The following IQSEC3 variants were observed in gnomAD, a reference collection of about 807,000 sequenced individuals.
IQSEC3 encodes IQ motif and SEC7 domain-containing protein 3.
Under a neutral mutation model 105.4 loss-of-function variants are expected in IQSEC3, and 50 were observed. The ratio of observed to expected loss-of-function variants is 0.47; its 90% confidence interval spans 0.38 to 0.60. The LOEUF (loss-of-function observed/expected upper bound fraction) is 0.60. Among genes scored for constraint, IQSEC3 ranks in the 20% least tolerant of loss-of-function variants. IQSEC3 has a pLI of 0.00. For missense variants in IQSEC3, 1,415 were observed against 1,630.0 expected (o/e 0.87, Z 2.27); for synonymous variants, 708 against 746.0 (o/e 0.95, Z 0.83).
At chr12:85,889 G>A (rs1555071960) in intron 1 of IQSEC3, among the ~76,000 whole-genome samples, 1 of 152,182 alleles carries the variant, frequency 6.6e-6, no homozygotes, top group Non-Finnish European at 1.5e-5. Context: ...TTCCAGGCAT[G>A]TGCATGTTTC....
In IQSEC3 at chr12:174,884, C is replaced by A. The variant is rs1248149022; in HGVS notation, c.3400C>A (p.Leu1134Met). The A allele has an allele frequency of 8.9e-6, 14 of 1,572,196 alleles. No individual in the cohort carries two copies. In the Admixed American group the frequency reaches 2.5e-4, roughly 28 times the overall value. Reference sequence around the variant, plus strand: ...CTCTGACTCCTGCGGCTCCACACCCCTGGGCGGTCCCGGCTCTCCGGTCAA... The same window carrying A: ...CTCTGACTCCTGCGGCTCCACACCCATGGGCGGTCCCGGCTCTCCGGTCAA... ...SSSDSCGSTP[L>M]GGPGSPVKVT... The change falls in exon 14 of 14, where the codon CTG becomes ATG. Residue 1134 changes from leucine (L) to methionine (M), a missense_variant. Coordinates refer to ENST00000538872, the MANE Select transcript of IQSEC3 (RefSeq NM_001170738.2).
At position 112,577 on chromosome 12, in the gene IQSEC3, C is replaced by T. The variant is rs984917985; in HGVS notation, c.624-13056C>T. Reference sequence around the variant, plus strand: ...CTTCCAGAAGAAGCTGGTGCTTCCACCACACTGACCTAGACAAGGCACAAG... The same window carrying T: ...CTTCCAGAAGAAGCTGGTGCTTCCATCACACTGACCTAGACAAGGCACAAG... On this transcript the variant is annotated intron_variant, in intron 2 of 13. Transcript: ENST00000538872. Among the ~76,000 whole-genome samples the T allele has an allele frequency of 3.3e-5, 5 of 152,318 alleles. 1 individual carries two copies. The highest frequency in any genetic ancestry group is 2.9e-5 in the Non-Finnish European group (2 of 68,022).
chr12:125,983 C>T (rs1865390342), intron 3 of IQSEC3, 71 bp downstream of exon 3: 3 of 1,418,714 alleles, frequency 2.1e-6, no homozygotes, highest in Admixed American at 4.4e-5. Context: ...TCGAGGGTAC[C>T]AGGGATATCC....
chr12:103,840 AGGTGGAGTTCATGAGG>A (rs1864540780), intron 2 of IQSEC3, among the ~76,000 whole-genome samples: 1 of 1,726 alleles, frequency 5.8e-4, no homozygotes, highest in Non-Finnish European at 9.7e-4. Flanking sequence ...CAGGAGGGAG[AGGTGGAGTTCATGAGG>A]GGAGGCGGCT....
intron 11 of IQSEC3, 83 bp downstream of exon 11, chr12:165,973 C>A: frequency 6.7e-7 from 1 of 1,492,474 alleles, no homozygotes; most frequent in Non-Finnish European, 9.1e-7. Flanking sequence ...ACATGCCTGA[C>A]TCCAGGGAGC....
intron 1 of IQSEC3, among the ~76,000 whole-genome samples, chr12:75,856 T>C (rs1269543948): frequency 1.3e-5 from 2 of 152,274 alleles, no homozygotes; most frequent in Non-Finnish European, 2.9e-5. Context: ...CTCACTGTCC[T>C]GAAGCTGAGC....
intron 3 of IQSEC3, chr12:137,573 T>A (rs1865815433): frequency 6.7e-6 from 1 of 149,938 alleles, no homozygotes; most frequent in Admixed American, 6.7e-5. Flanking sequence ...TAACACAACT[T>A]CAAGATATCA....
In IQSEC3 at chr12:176,194, A is replaced by G. The variant is rs1939231893; in HGVS notation, c.*1161A>G. 2 of 152,134 alleles carry G rather than the reference A, an allele frequency of 1.3e-5. No individual in the cohort carries two copies. The highest frequency in any genetic ancestry group is 4.1e-4 in the South Asian group (2 of 4,820). 9.4% of individuals were successfully genotyped at this position (152,134 alleles called of 1,614,324 possible). On this transcript the variant is annotated 3_prime_UTR_variant, in exon 14 of 14. Coordinates refer to ENST00000538872, the MANE Select transcript of IQSEC3 (RefSeq NM_001170738.2). The surrounding 1 kb of genome is among the most constrained non-coding windows in gnomAD (Gnocchi z 4.0). ...GTGCCCAAGAGTCCCTGGACCCTCA[A>G]AATTGCAAAGGAGACCCAAGCGGGG... is the stretch of plus-strand genomic sequence containing the variant.
In IQSEC3 at chr12:94,593, C is replaced by T. The variant is rs370460950; in HGVS notation, c.555-4553C>T. On this transcript the variant is annotated intron_variant, in intron 1 of 13. Coordinates refer to ENST00000538872, the MANE Select transcript of IQSEC3 (RefSeq NM_001170738.2). ...TGTCCCCCAGTGGCAGCAGAAGCCC[C>T]AACAGCACTGCCGGCCCAAGCCCAA... is the stretch of plus-strand genomic sequence containing the variant. 9.2e-5 allele frequency among the ~76,000 whole-genome samples: 14 copies of T among 152,364 alleles called. No homozygotes were observed. The South Asian group carries it at 2.9e-3, about 32-fold the overall frequency.
At position 165,820 on chromosome 12, in the gene IQSEC3, G is replaced by A; in HGVS notation, c.2901G>A (p.Met967Ile). 1.9e-6 allele frequency: 3 copies of A among 1,614,118 alleles called. No individual in the cohort carries two copies. Among genetic ancestry groups the A allele is most frequent in the Non-Finnish European group, 2.5e-6 (3 of 1,180,046 alleles). The change falls in exon 11 of 14, where the codon ATG becomes ATA. Residue 967 changes from methionine (M) to isoleucine (I), a missense_variant. Met to Ile is a conservative substitution (Grantham distance 10, BLOSUM62 1). This residue lies in a region of IQSEC3 where 419 missense variants were observed against 436.2 expected (regional missense o/e 0.96). Coordinates refer to ENST00000538872, the MANE Select transcript of IQSEC3 (RefSeq NM_001170738.2). ...LHFCALGSDEMQKFVEDLKES... is the reference protein window; with the variant it reads ...LHFCALGSDEIQKFVEDLKES... ...TCTGTGCCCTGGGCTCGGACGAGAT[G>A]CAGAAGTTCGTGGAGGACCTGAAGG...
chr12:171,600 A>G (rs2137071589), intron 13 of IQSEC3: 1 of 548,590 alleles, frequency 1.8e-6, no homozygotes, highest in Non-Finnish European at 3.2e-6. Context: ...TCCCTCGGAG[A>G]ATTACCCCTT....
chr12:163,174 C>T (rs1276947885), intron 8 of IQSEC3, among the ~76,000 whole-genome samples: 1 of 147,282 alleles, frequency 6.8e-6, no homozygotes, highest in Admixed American at 6.7e-5. Context: ...CGAACCCCTC[C>T]CCTCTCCTCC....
chr12:172,848 C>T (rs1328839571), intron 13 of IQSEC3, among the ~76,000 whole-genome samples: 11 of 152,130 alleles, frequency 7.2e-5, no homozygotes, highest in East Asian at 3.8e-4. Context: ...CCAGAGACTG[C>T]GGTGGGGCCA....
At chr12:144,409 T>C (rs2137013743) in intron 5 of IQSEC3, 1 of 152,336 alleles carries the variant, frequency 6.6e-6, no homozygotes, top group East Asian at 1.9e-4. Flanking sequence ...GCGGTATTCA[T>C]TCTGTACAAA....
chr12:174,664 G>C lies in IQSEC3; in HGVS notation c.3180G>C (p.Ala1060=). 6.3e-7 allele frequency: 1 copy of C among 1,588,662 alleles called. No homozygotes were observed. The highest frequency in any genetic ancestry group is 8.5e-7 in the Non-Finnish European group (1 of 1,174,680). Residue 1060 remains alanine, a synonymous_variant, in exon 14 of 14, where the codon GCG becomes GCC. Transcript: ENST00000538872. The part of the protein sequence containing the change: ...HNSGLGAERG[A]PVPPPDLQPS... Reference sequence around the variant, plus strand: ...CCGGGCTGGGGGCCGAGAGGGGAGCGCCGGTGCCGCCGCCAGACCTGCAGC... The same window carrying C: ...CCGGGCTGGGGGCCGAGAGGGGAGCCCCGGTGCCGCCGCCAGACCTGCAGC...
Position 138,648 on chromosome 12 carries a change from C to T in IQSEC3, c.1285C>T (p.Arg429Trp). Residue 429 changes from arginine to tryptophan, a missense_variant, in exon 4 of 14, where the codon CGG becomes TGG. Arg to Trp is a moderately radical substitution (Grantham distance 101). Transcript: ENST00000538872. This position sits in a 1 kb window ranked among gnomAD's most constrained non-coding sequence, Gnocchi z 7.1. ...GAGCCTCAAGACCATGTGCTCCCTG[C>T]GGGAGAGTGGCGCTTACCAGCTCCA... Reference protein sequence around the residue: ...TWSLKTMCSLRESGAYQLHQA... With the variant: ...TWSLKTMCSLWESGAYQLHQA... The T allele has an allele frequency of 1.9e-6, 3 of 1,576,522 alleles. No homozygotes were observed. The highest frequency in any genetic ancestry group is 1.3e-5 in the African/African-American group (1 of 74,284).
intron 5 of IQSEC3, chr12:142,403 G>A (rs1326265715): frequency 5.9e-5 from 9 of 152,302 alleles, no homozygotes; most frequent in African/African-American, 2.2e-4. Context: ...GTGGTGCTGG[G>A]TTGTGAGGGC....
intron 5 of IQSEC3, 40 bp downstream of exon 5, chr12:141,325 A>T (rs1555089206): frequency 6.3e-7 from 1 of 1,589,026 alleles, no homozygotes; most frequent in Non-Finnish European, 8.6e-7. Context: ...ACTCCTTCCC[A>T]CACCCCACCT....
chr12:83,939 G>A (rs1286742902), intron 1 of IQSEC3, among the ~76,000 whole-genome samples: 1 of 152,092 alleles, frequency 6.6e-6, no homozygotes, highest in Non-Finnish European at 1.5e-5. Context: ...TGGTACTGAC[G>A]GGAAGATATT....
Sources: allele counts gnomAD v4.1 joint callset (sites outside exome capture counted in the v4.1 genomes callset), GRCh38; gene constraint gnomAD v4.1.1; regional missense constraint gnomAD v4.1.1; non-coding constraint Gnocchi (gnomAD v3.1); transcripts MANE v1.5; gene names NCBI Gene and HGNC (gene_info 2026-07-23, HGNC 2026-07-21).